TRAK1: variants seen among roughly 807,000 people sequenced by gnomAD.
TRAK1 encodes the protein trafficking kinesin protein 1.
TRAK1 carries 33 observed loss-of-function variants against 92.1 expected under a neutral mutation model. The ratio of observed to expected loss-of-function variants is 0.36; its 90% CI spans 0.27 to 0.48. TRAK1 has a LOEUF of 0.48. TRAK1 is among the 20% of genes least tolerant of loss of function. The pLI is 0.99. For missense variants in TRAK1, 1,123 were observed against 1,257.9 expected (o/e 0.89, Z 1.62); for synonymous variants, 521 against 517.3 (o/e 1.01, Z -0.10).
chr3:42,203,750 C>T (rs898247625), intron 13 of TRAK1: 21 of 933,680 alleles, frequency 2.2e-5, no homozygotes, highest in South Asian at 1.5e-4. Flanking sequence ...CCTTCTTAGA[C>T]GTTTTTTCCT....
At chr3:42,083,887 TAAAATAA>T (rs1559745367), upstream of TRAK1, among the ~76,000 whole-genome samples, 2 of 149,402 alleles carry the variant, frequency 1.3e-5, no homozygotes, top group East Asian at 5.1e-4. Flanking sequence ...AATAAATAAA[TAAAATAA>T]ATAAAATAAA....
At chr3:42,093,649 C>CACCTTCCCTT (rs1705431673) in intron 1 of TRAK1, among the ~76,000 whole-genome samples, 1 of 40,600 alleles carries the variant, frequency 2.5e-5, no homozygotes, top group Non-Finnish European at 4.6e-5. Context: ...TCTTTTTTCT[C>CACCTTCCCTT]CCCTTCCCTT....
chr3:42,047,340 T>C (rs993362581), intron 1 of TRAK1, among the ~76,000 whole-genome samples: 3 of 150,930 alleles, frequency 2.0e-5, no homozygotes, highest in Non-Finnish European at 4.4e-5. Context: ...GGACTACAGG[T>C]ACACACCACT....
intron 3 of TRAK1, among the ~76,000 whole-genome samples, chr3:42,183,937 G>A (rs73828585): frequency 6.6e-6 from 1 of 152,036 alleles, no homozygotes; most frequent in Non-Finnish European, 1.5e-5. Flanking sequence ...ATTTTCCTCT[G>A]TATACTGGCT....
intron 14 of TRAK1, among the ~76,000 whole-genome samples, chr3:42,215,504 GT>G (rs1709581754): frequency 5.9e-3 from 51 of 8,638 alleles, no homozygotes; most frequent in African/African-American, 0.012. Context: ...CTGTTGGGGT[GT>G]GTGTGTGTGT....
upstream of TRAK1, among the ~76,000 whole-genome samples, chr3:42,086,365 G>T (rs1389384836): frequency 6.7e-6 from 1 of 149,262 alleles, no homozygotes; most frequent in Non-Finnish European, 1.5e-5. Flanking sequence ...GAGCCCAGTG[G>T]CATGATCTCA....
chr3:42,139,638 GT>G (rs1295403632), intron 2 of TRAK1, among the ~76,000 whole-genome samples: 1 of 151,934 alleles, frequency 6.6e-6, no homozygotes, highest in Non-Finnish European at 1.5e-5. Flanking sequence ...CACCTGCCAG[GT>G]TTCATTTTTT....
At chr3:42,164,596 A>G (rs918417633) in intron 2 of TRAK1, among the ~76,000 whole-genome samples, 1 of 152,088 alleles carries the variant, frequency 6.6e-6, no homozygotes, top group African/African-American at 2.4e-5. Flanking sequence ...CTTCCCTTGT[A>G]TTATCTCATT....
At chr3:42,169,126 G>A (rs1057012397) in intron 2 of TRAK1, among the ~76,000 whole-genome samples, 1 of 142,240 alleles carries the variant, frequency 7.0e-6, no homozygotes, top group African/African-American at 2.6e-5. Context: ...GCCCAGCAAA[G>A]TGATCTATTT....
chr3:42,171,461 A>G (rs1434919781), intron 2 of TRAK1, among the ~76,000 whole-genome samples: 1 of 152,220 alleles, frequency 6.6e-6, no homozygotes, highest in Non-Finnish European at 1.5e-5. Context: ...GACACACACC[A>G]TAGAGACACA....
intron 6 of TRAK1, among the ~76,000 whole-genome samples, chr3:42,190,231 T>G (rs1234120923): frequency 1.3e-5 from 2 of 152,170 alleles, no homozygotes; most frequent in Admixed American, 1.3e-4. Context: ...ACGGCCCTGT[T>G]TATCAGGCCC....
At chr3:42,049,448 A>T (rs1365877083) in intron 1 of TRAK1, among the ~76,000 whole-genome samples, 2 of 151,282 alleles carry the variant, frequency 1.3e-5, no homozygotes, top group African/African-American at 2.4e-5. Flanking sequence ...AAAATTATTT[A>T]TTTATTTATT....
chr3:42,203,210 T>TC (rs1050639863), intron 13 of TRAK1: 138 of 1,109,868 alleles, frequency 1.2e-4, no homozygotes, highest in Non-Finnish European at 1.4e-4. Context: ...GATTTTTTTT[T>TC]CCCCATAACC....
At chr3:42,103,645 C>T (rs1199402062) in intron 1 of TRAK1, among the ~76,000 whole-genome samples, 1 of 152,134 alleles carries the variant, frequency 6.6e-6, no homozygotes, top group Admixed American at 6.6e-5. Flanking sequence ...TCTGTGATCC[C>T]AGCACTTTGG....
intron 2 of TRAK1, among the ~76,000 whole-genome samples, chr3:42,172,531 G>T (rs1490955358): frequency 2.6e-5 from 4 of 152,096 alleles, no homozygotes; most frequent in African/African-American, 9.7e-5. Flanking sequence ...CTGCACACTG[G>T]AGCCAAAATG....
At chr3:42,149,000 C>G (rs1401319544) in intron 2 of TRAK1, among the ~76,000 whole-genome samples, 1 of 152,112 alleles carries the variant, frequency 6.6e-6, no homozygotes, top group Non-Finnish European at 1.5e-5. Flanking sequence ...CTCTCCCTTG[C>G]CTGTACCCTT....
chr3:42,179,661 A>T (rs1347928721), intron 3 of TRAK1, among the ~76,000 whole-genome samples: 2 of 152,214 alleles, frequency 1.3e-5, no homozygotes, highest in Non-Finnish European at 2.9e-5. Flanking sequence ...GCAAGAGTTC[A>T]TTGGTAAAAA....
At chr3:42,112,657 C>T (rs1401903857) in intron 1 of TRAK1, among the ~76,000 whole-genome samples, 4 of 62,604 alleles carry the variant, frequency 6.4e-5, no homozygotes, top group Non-Finnish European at 1.3e-4. Flanking sequence ...ATCTCTTGAG[C>T]CTGGGAGATG....
rs563852066 is a variant in TRAK1, at chr3:42,081,050, A to T, written c.-518-6054A>T. 2.0e-5 allele frequency among the ~76,000 whole-genome samples: 3 copies of T among 151,820 alleles called. No homozygotes were observed. In the East Asian group the frequency reaches 5.8e-4, roughly 29 times the overall value. On this transcript the variant is annotated intron_variant, in intron 1 of 16. Transcript: ENST00000487159. ...CCACCAATCCTGGTCAATTTTTTGT[A>T]TTTTTTTGTAGAGTTAGGGTTCCAC...
Sources: gnomAD v4.1 joint callset for allele counts (sites outside exome capture counted in the v4.1 genomes callset) on GRCh38, gnomAD v4.1.1 for gene constraint, MANE v1.5 for transcripts, NCBI Gene and HGNC (gene_info 2026-07-23, HGNC 2026-07-21) for gene names.